The following SNX29 variants were observed in gnomAD, a reference collection of about 807,000 sequenced individuals.
The protein encoded by SNX29 is sorting nexin 29.
In SNX29, 78 loss-of-function variants were observed where a neutral mutation model predicts 102.1. That is an observed-to-expected ratio of 0.76 (90% CI 0.64 to 0.92). The LOEUF (loss-of-function observed/expected upper bound fraction) is 0.92, where lower values mean the gene tolerates loss of function less well. SNX29 is among the 40% of genes least tolerant of loss of function. The pLI is 0.00. For synonymous variants in SNX29, 580 were observed against 414.5 expected, an observed-to-expected ratio of 1.40 and a Z score of -4.85; for missense variants, 1,280 against 1,061.7, an observed-to-expected ratio of 1.21 and a Z score of -2.86.
intron 15 of SNX29, among the ~76,000 whole-genome samples, chr16:12,290,658 GTC>G (rs2079763552): frequency 6.6e-6 from 1 of 152,188 alleles, no homozygotes; most frequent in South Asian, 2.1e-4. Flanking sequence ...ATCAAGGTCT[GTC>G]TCATTTTTCT....
At chr16:12,454,836 C>T (rs1450306554) in intron 18 of SNX29, among the ~76,000 whole-genome samples, 6 of 152,196 alleles carry the variant, frequency 3.9e-5, no homozygotes, top group African/African-American at 4.8e-5. Flanking sequence ...TCTGCCTCAG[C>T]CTCCCAGGTT....
intron 20 of SNX29, among the ~76,000 whole-genome samples, chr16:12,538,295 GTTT>G (rs372046568): frequency 1.3e-4 from 19 of 151,778 alleles, no homozygotes; most frequent in African/African-American, 2.2e-4. Flanking sequence ...TTGTATTTTT[GTTT>G]TTTAGTAGAG....
At chr16:12,278,285 T>C (rs2079319899) in intron 15 of SNX29, among the ~76,000 whole-genome samples, 1 of 152,186 alleles carries the variant, frequency 6.6e-6, no homozygotes, top group Admixed American at 6.5e-5. Context: ...AAAACATATA[T>C]GTGTAACATT....
intron 19 of SNX29, among the ~76,000 whole-genome samples, chr16:12,488,024 G>C (rs1392104068): frequency 1.3e-5 from 2 of 152,172 alleles, no homozygotes; most frequent in East Asian, 1.9e-4. Context: ...GAGAGACCTT[G>C]GTGAGCTTCA....
At chr16:12,503,180 G>T (rs375871610) in intron 19 of SNX29, among the ~76,000 whole-genome samples, 1 of 151,782 alleles carries the variant, frequency 6.6e-6, no homozygotes, top group African/African-American at 2.4e-5. Context: ...ACCCACCACT[G>T]CTGCTCTGAG....
chr16:12,088,411 T>C (rs574071992), intron 11 of SNX29, among the ~76,000 whole-genome samples: 2 of 152,288 alleles, frequency 1.3e-5, no homozygotes, highest in South Asian at 4.1e-4. Flanking sequence ...ACATAGACTC[T>C]GTTCCCACTT....
intron 20 of SNX29, among the ~76,000 whole-genome samples, chr16:12,546,907 G>C (rs1352679066): frequency 6.6e-6 from 1 of 152,222 alleles, no homozygotes; most frequent in Non-Finnish European, 1.5e-5. Context: ...GCAGCTGGAA[G>C]CCCTAGGAGG....
At chr16:12,273,613 C>G (rs2079157303) in intron 14 of SNX29, among the ~76,000 whole-genome samples, 1 of 152,166 alleles carries the variant, frequency 6.6e-6, no homozygotes, top group Admixed American at 6.5e-5. Flanking sequence ...CCACCTCAAC[C>G]TCCCAATGTG....
chr16:12,508,964 A>C (rs1444809308), intron 19 of SNX29, among the ~76,000 whole-genome samples: 1 of 152,168 alleles, frequency 6.6e-6, no homozygotes, highest in Admixed American at 6.5e-5. Context: ...AATGTCGTTC[A>C]GGTTGGAGAT....
chr16:12,388,945 G>A (rs757325886), intron 16 of SNX29, among the ~76,000 whole-genome samples: 14 of 152,194 alleles, frequency 9.2e-5, no homozygotes, highest in Non-Finnish European at 1.8e-4. Context: ...ATCAACCCAG[G>A]TGTATCTAAA....
chr16:12,040,409 T>A (rs1234333281), intron 4 of SNX29, among the ~76,000 whole-genome samples: 1 of 152,192 alleles, frequency 6.6e-6, no homozygotes, highest in Non-Finnish European at 1.5e-5. Flanking sequence ...TAACAAATTT[T>A]AAAAATCTGT....
intron 18 of SNX29, 119 bp downstream of exon 18, chr16:12,403,648 C>T: frequency 7.5e-6 from 7 of 934,526 alleles, no homozygotes; most frequent in South Asian, 7.3e-5. Flanking sequence ...TATGGCCTTC[C>T]AGACACCCAC....
chr16:12,468,530 G>A (rs956898837), intron 18 of SNX29, among the ~76,000 whole-genome samples: 2 of 152,116 alleles, frequency 1.3e-5, no homozygotes, highest in African/African-American at 2.4e-5. Flanking sequence ...ACTCCCAGGC[G>A]TGGTGCCCCT....
chr16:12,337,452 C>T (rs555432249), intron 15 of SNX29, among the ~76,000 whole-genome samples: 18 of 152,182 alleles, frequency 1.2e-4, no homozygotes, highest in Middle Eastern at 6.8e-3. Context: ...AGTGATCCTC[C>T]CACCTCAGCT....
At chr16:12,289,632 C>T (rs986830951) in intron 15 of SNX29, among the ~76,000 whole-genome samples, 11 of 152,120 alleles carry the variant, frequency 7.2e-5, no homozygotes, top group African/African-American at 1.4e-4. Context: ...TACTTGCGAA[C>T]GAACAGATGA....
intron 1 of SNX29, among the ~76,000 whole-genome samples, chr16:11,985,479 G>A (rs760330013): frequency 2.0e-5 from 3 of 152,188 alleles, no homozygotes; most frequent in Non-Finnish European, 4.4e-5. Flanking sequence ...CTGGATCCAC[G>A]TGTTAAAGGA....
chr16:12,067,281 A>C (rs1034259000), intron 9 of SNX29, among the ~76,000 whole-genome samples: 5 of 151,976 alleles, frequency 3.3e-5, no homozygotes, highest in Non-Finnish European at 2.9e-5. Context: ...AGGTTAAAAC[A>C]ATTTTTTTTT....
intron 18 of SNX29, among the ~76,000 whole-genome samples, chr16:12,410,099 A>G (rs769616121): frequency 6.6e-6 from 1 of 151,952 alleles, no homozygotes; most frequent in Non-Finnish European, 1.5e-5. Flanking sequence ...GGTTCAAGTG[A>G]TTCTCCTGCC....
chr16:12,366,079 A>G lies in SNX29; in HGVS notation c.1899+9800A>G, dbSNP rs922002830. Reference sequence around the variant, plus strand: ...AAAAAAAAAAAAAAAAATCAGAACAATGATTGAGTGGGGGGTTTGCATAGT... The same window carrying G: ...AAAAAAAAAAAAAAAAATCAGAACAGTGATTGAGTGGGGGGTTTGCATAGT... On this transcript the variant is annotated intron_variant, in intron 16 of 20. Coordinates refer to ENST00000566228, the MANE Select transcript of SNX29 (RefSeq NM_032167.5). Among the ~76,000 whole-genome samples the G allele has an allele frequency of 8.0e-5, 12 of 149,650 alleles. 1 individual carries two copies. The highest frequency in any genetic ancestry group is 1.7e-4 in the African/African-American group (7 of 40,782).
Sources: gnomAD v4.1 joint callset for allele counts (sites outside exome capture counted in the v4.1 genomes callset) on GRCh38, gnomAD v4.1.1 for gene constraint, MANE v1.5 for transcripts, NCBI Gene and HGNC (gene_info 2026-07-23, HGNC 2026-07-21) for gene names.